The following ZNF331 variants were observed in gnomAD, a reference collection of about 807,000 sequenced individuals.
ZNF331 encodes the protein C2H2-like zinc finger protein rearranged in thyroid adenomas.
Under a neutral mutation model 7.0 loss-of-function variants are expected in ZNF331, and 2 were observed. That is an observed-to-expected ratio of 0.29 (90% confidence interval 0.12 to 0.90). The LOEUF is 0.90. Among genes scored for constraint, ZNF331 ranks in the 40% least tolerant of loss-of-function variants. The pLI, the probability that ZNF331 is intolerant of heterozygous loss-of-function variation, is 0.58. For synonymous variants in ZNF331, 196 were observed against 205.4 expected (o/e 0.95, Z 0.39); for missense variants, 432 against 587.7 (o/e 0.74, Z 2.74).
chr19:53,514,104 C>G, the ZNF331 span, among the ~76,000 whole-genome samples: 12 of 152,280 alleles, frequency 7.9e-5, no homozygotes, highest in Non-Finnish European at 1.2e-4. Flanking sequence ...TGAAAAAATT[C>G]CTAATATATT....
chr19:53,544,349 T>C (rs1317181881), intron 2 of ZNF331, among the ~76,000 whole-genome samples: 2 of 150,820 alleles, frequency 1.3e-5, no homozygotes, highest in Non-Finnish European at 3.0e-5. Context: ...ATGGAGACCA[T>C]CCTGGCTAAC....
chr19:53,554,298 T>G (rs1384894377), intron 2 of ZNF331, among the ~76,000 whole-genome samples: 1 of 152,178 alleles, frequency 6.6e-6, no homozygotes, highest in African/African-American at 2.4e-5. Flanking sequence ...CACATGTGTG[T>G]CGGGGTCTGG....
chr19:53,542,093 A>C (rs576367991), intron 2 of ZNF331, among the ~76,000 whole-genome samples: 9 of 152,062 alleles, frequency 5.9e-5, no homozygotes, highest in African/African-American at 2.2e-4. Context: ...TTGTTTTTGG[A>C]GTATTGAATC....
chr19:53,506,884 G>A, the ZNF331 span, among the ~76,000 whole-genome samples: 358 of 152,222 alleles, frequency 2.4e-3, 3 homozygotes, highest in African/African-American at 8.2e-3. Context: ...TTTGCCACCC[G>A]TTGGGGGCGA....
At chr19:53,533,857 A>G (rs969491208), upstream of ZNF331, among the ~76,000 whole-genome samples, 9 of 152,212 alleles carry the variant, frequency 5.9e-5, no homozygotes, top group African/African-American at 2.2e-4. Context: ...TCAAAACTCC[A>G]CATTTAACTT....
rs1464883285 is a variant in ZNF331, at chr19:53,539,639, C to T, written c.-138+357C>T. ...CCTTAACCTGAGGGCCTGCCTTTAA[C>T]TCCACTTACAACTTTCCAAGGGACA... On this transcript the variant is annotated intron_variant, in intron 2 of 5. Coordinates refer to ENST00000449416, the MANE Select transcript of ZNF331 (RefSeq NM_001079906.2). The surrounding 1 kb of genome is among the most constrained non-coding windows in gnomAD (Gnocchi z 6.1). The T allele has an allele frequency of 1.3e-5, 2 of 152,214 alleles. No individual in the cohort carries two copies. The highest frequency in any genetic ancestry group is 2.9e-5 in the Non-Finnish European group (2 of 68,050). 9.4% of individuals were successfully genotyped at this position (152,214 alleles called of 1,614,324 possible). A position where few individuals can be genotyped will look rare whatever the true frequency, so the allele number is the denominator to read the frequency against.
chr19:53,514,323 C>T, the ZNF331 span, among the ~76,000 whole-genome samples: 2,453 of 152,026 alleles, frequency 0.016, 32 homozygotes, highest in South Asian at 0.036. Flanking sequence ...CTCAGCCTCC[C>T]GAGTTGCTGG....
chr19:53,513,177 A>ATCTG, the ZNF331 span, among the ~76,000 whole-genome samples: 8 of 147,190 alleles, frequency 5.4e-5, no homozygotes, highest in African/African-American at 7.6e-5. Context: ...CCGCTGAGAA[A>ATCTG]TCTGTCTGTC....
At chr19:53,537,908 GCGCACACGCCCGTCAGGGTCTGTGTGCC>G (rs1192094845), upstream of ZNF331, among the ~76,000 whole-genome samples, 1 of 152,168 alleles carries the variant, frequency 6.6e-6, no homozygotes, top group Non-Finnish European at 1.5e-5. Context: ...ATCTGTGCGT[GCGCACACGCCCGTCAGGGTCTGTGTGCC>G]CGCACAGGCA....
Position 53,580,194 on chromosome 19 carries a change from C to T in ZNF331, c.*2242C>T, listed in dbSNP as rs1600535918. The T allele has an allele frequency of 5.1e-6, 1 of 194,574 alleles. No homozygotes were observed. Among genetic ancestry groups the T allele is most frequent in the African/African-American group, 2.3e-5 (1 of 43,184 alleles). 12.1% of individuals were successfully genotyped at this position (194,574 alleles called of 1,614,324 possible). A position where few individuals can be genotyped will look rare whatever the true frequency, so the allele number is the denominator to read the frequency against. On this transcript the variant is annotated 3_prime_UTR_variant, in exon 6 of 6. Coordinates refer to ENST00000449416, the MANE Select transcript of ZNF331 (RefSeq NM_001079906.2). Reference sequence around the variant, plus strand: ...TCCACATTGTATACATGTATCAGAACATCACATTGTACTCCATCAATATAA... The same window carrying T: ...TCCACATTGTATACATGTATCAGAATATCACATTGTACTCCATCAATATAA...
upstream of ZNF331, among the ~76,000 whole-genome samples, chr19:53,534,751 C>T (rs2087676030): frequency 6.6e-6 from 1 of 152,148 alleles, no homozygotes; most frequent in Non-Finnish European, 1.5e-5. Context: ...TCAGGGTAAT[C>T]TCCGTATCTG....
chr19:53,578,214 G>A lies in ZNF331; in HGVS notation c.*262G>A, dbSNP rs964624312. On this transcript the variant is annotated 3_prime_UTR_variant, in exon 6 of 6. Coordinates refer to ENST00000449416, the MANE Select transcript of ZNF331 (RefSeq NM_001079906.2). Reference sequence around the variant, plus strand: ...CCACCCTGCTAGTGACTTAGTAGCCGTCTTGGTGATCAGATCAACTATCCC... The same window carrying A: ...CCACCCTGCTAGTGACTTAGTAGCCATCTTGGTGATCAGATCAACTATCCC... The A allele has an allele frequency of 2.3e-5, 10 of 433,482 alleles. No homozygotes were observed. The highest frequency in any genetic ancestry group is 1.1e-4 in the East Asian group (3 of 26,484). 26.9% of individuals were successfully genotyped at this position (433,482 alleles called of 1,614,324 possible).
At chr19:53,527,864 A>AGAGG (rs67385012) in intron 2 of ZNF331, among the ~76,000 whole-genome samples, 7 of 19,010 alleles carry the variant, frequency 3.7e-4, no homozygotes, top group Admixed American at 2.1e-3. Flanking sequence ...TTATCAAGAA[A>AGAGG]GCCTTTCAGA....
upstream of ZNF331, among the ~76,000 whole-genome samples, chr19:53,536,630 TG>T (rs1267139926): frequency 2.0e-5 from 3 of 152,258 alleles, no homozygotes; most frequent in African/African-American, 7.2e-5. Flanking sequence ...CTGGGTGTGG[TG>T]GCTCACGCCT....
At chr19:53,549,664 T>A (rs999277191) in intron 2 of ZNF331, among the ~76,000 whole-genome samples, 4 of 150,974 alleles carry the variant, frequency 2.6e-5, no homozygotes, top group Admixed American at 6.6e-5. Context: ...TTAGAAATCC[T>A]ATGTATGGGA....
intron 3 of ZNF331, among the ~76,000 whole-genome samples, chr19:53,568,155 G>A (rs966428810): frequency 6.6e-6 from 1 of 151,380 alleles, no homozygotes; most frequent in Non-Finnish European, 1.5e-5. Context: ...AGGCTGAGGA[G>A]AATCGCTTGA....
chr19:53,552,397 G>A (rs1568494677), intron 2 of ZNF331, among the ~76,000 whole-genome samples: 2 of 152,002 alleles, frequency 1.3e-5, no homozygotes, highest in Non-Finnish European at 2.9e-5. Context: ...TTGACAGCTG[G>A]TTTGACAAGT....
chr19:53,559,554 T>C (rs978731053), intron 3 of ZNF331, among the ~76,000 whole-genome samples: 6 of 149,912 alleles, frequency 4.0e-5, no homozygotes, highest in Non-Finnish European at 7.4e-5. Context: ...TACACACATA[T>C]ACACACCTAC....
chr19:53,506,204 G>A, the ZNF331 span, among the ~76,000 whole-genome samples: 25 of 135,788 alleles, frequency 1.8e-4, no homozygotes, highest in Non-Finnish European at 3.8e-4. Flanking sequence ...GCGTGGTGGC[G>A]GGCGCCTGTA....
Sources: gnomAD v4.1 joint callset for allele counts (sites outside exome capture counted in the v4.1 genomes callset) on GRCh38, gnomAD v4.1.1 for gene constraint, Gnocchi (gnomAD v3.1) non-coding constraint, MANE v1.5 for transcripts, NCBI Gene and HGNC (gene_info 2026-07-23, HGNC 2026-07-21) for gene names.